Variants in LMF1 observed in about 807,000 individuals in gnomAD.
The protein encoded by LMF1 is lipase maturation factor 1.
In LMF1, 68 loss-of-function variants were observed where a neutral mutation model predicts 60.6. That is an observed-to-expected ratio of 1.12 (90% confidence interval 0.92 to 1.37). The LOEUF (loss-of-function observed/expected upper bound fraction) is 1.37. Among genes scored for constraint, LMF1 ranks in the 40% most tolerant of loss-of-function variants. The pLI, the probability that LMF1 is intolerant of heterozygous loss-of-function variation, is 0.00. For synonymous variants in LMF1, 418 were observed against 324.7 expected (o/e 1.29, Z -3.09); for missense variants, 948 against 767.2 (o/e 1.24, Z -2.78).
At chr16:855,184 CGAGGCTGT>C in intron 10 of LMF1, 1 of 242,824 alleles carries the variant, frequency 4.1e-6, no homozygotes, top group Non-Finnish European at 8.2e-6. Context: ...CGGGGCAGTC[CGAGGCTGT>C]GAGGGAGCCA....
At chr16:895,055 C>CG (rs1326732183) in intron 4 of LMF1, among the ~76,000 whole-genome samples, 1 of 152,144 alleles carries the variant, frequency 6.6e-6, no homozygotes, top group African/African-American at 2.4e-5. Flanking sequence ...GAGGAGGCCG[C>CG]GGGGGGAGGC....
rs1215486348 is a variant in LMF1, at chr16:897,712, G to T, written c.664-4640C>A. 6.6e-6 allele frequency among the ~76,000 whole-genome samples: 1 copy of T among 152,164 alleles called. No individual in the cohort carries two copies. Among genetic ancestry groups the T allele is most frequent in the African/African-American group, 2.4e-5 (1 of 41,426 alleles). The stretch of plus-strand genomic sequence containing the variant: ...CTCAGGGTGAAGGGACCGCTGGTGG[G>T]CTCCGTGGGCAGAGGCACTATGGGG... On this transcript the variant is annotated intron_variant, in intron 4 of 10. Coordinates refer to ENST00000262301, the MANE Select transcript of LMF1 (RefSeq NM_022773.4). This position sits in a 1 kb window ranked among gnomAD's most constrained non-coding sequence, Gnocchi z 4.3.
chr16:947,923 C>T (rs2072283653), intron 2 of LMF1, among the ~76,000 whole-genome samples: 1 of 112,964 alleles, frequency 8.9e-6, no homozygotes. Context: ...ACGACAGAGT[C>T]AGCCAACGAC....
intron 1 of LMF1, chr16:979,808 C>T (rs565416934): frequency 6.6e-6 from 3 of 452,642 alleles, no homozygotes; most frequent in Non-Finnish European, 1.3e-5. Context: ...TGGACCGGAC[C>T]CCCACCCTCA....
chr16:869,925 G>A lies in LMF1; in HGVS notation c.1374C>T (p.Tyr458=), dbSNP rs908611545. 2 of 1,613,264 alleles carry A rather than the reference G, an allele frequency of 1.2e-6. No homozygotes were observed. The highest frequency in any genetic ancestry group is 2.7e-5 in the African/African-American group (2 of 75,064). ...PSRRPCLISP[Y]HYRLDWLMWF... The stretch of plus-strand genomic sequence containing the variant: ...ACATCAGCCAGTCCAGGCGGTAGTG[G>A]TACGGGGAGATGAGGCAGGGCCGTC... Residue 458 remains tyrosine (Y), a synonymous_variant, in exon 9 of 11, where the codon TAC becomes TAT. Transcript: ENST00000262301.
intron 10 of LMF1, among the ~76,000 whole-genome samples, chr16:856,782 C>G (rs2069195515): frequency 6.6e-6 from 1 of 152,372 alleles, no homozygotes; most frequent in African/African-American, 2.4e-5. Flanking sequence ...GGCCATGGCA[C>G]CGCCCCGGAG....
At chr16:952,415 C>A (rs1682077097) in intron 2 of LMF1, among the ~76,000 whole-genome samples, 1 of 152,104 alleles carries the variant, frequency 6.6e-6, no homozygotes, top group South Asian at 2.1e-4. Context: ...AGCCTCCGAC[C>A]AGGGAACACC....
rs2070100905 is a variant in LMF1 at position 879,602 on chromosome 16, T to C, written c.865A>G (p.Ile289Val). ...FFLFLGRRAC[I>V]IHGVLQILFQ... is the part of the protein sequence containing the mutation. ...AGGATCTGCAGCACCCCGTGGATGA[T>C]GCACGCCCGCCGGCCGAGGAAGAGG... The change falls in exon 6 of 11, where the codon ATC (isoleucine) becomes GTC (valine). Residue 289 changes from isoleucine to valine, a missense_variant. Physicochemically the swap from Ile to Val is conservative, Grantham distance 29. Coordinates refer to ENST00000262301, the MANE Select transcript of LMF1 (RefSeq NM_022773.4). 1.2e-6 allele frequency: 2 copies of C among 1,613,114 alleles called. No individual in the cohort carries two copies. The highest frequency in any genetic ancestry group is 4.5e-5 in the East Asian group (2 of 44,852).
chr16:943,276 CA>C (rs1161423647), intron 2 of LMF1, among the ~76,000 whole-genome samples: 1 of 150,042 alleles, frequency 6.7e-6, no homozygotes, highest in Non-Finnish European at 1.5e-5. Context: ...GAGGCTGAGG[CA>C]GGAGAATGGA....
intron 10 of LMF1, chr16:855,496 G>A (rs1043089979): frequency 2.8e-6 from 1 of 357,810 alleles, no homozygotes; most frequent in South Asian, 2.1e-5. Context: ...TTTCTCCTGG[G>A]GGTGGGACGA....
At chr16:925,376 A>C (rs1439217652) in intron 3 of LMF1, among the ~76,000 whole-genome samples, 1 of 152,230 alleles carries the variant, frequency 6.6e-6, no homozygotes, top group Non-Finnish European at 1.5e-5. Flanking sequence ...TGATGGGAGA[A>C]ATTCAAAACC....
In LMF1 at chr16:853,897, C is replaced by T. The variant is rs982217932; in HGVS notation, c.*635G>A. 1 of 454,052 alleles carries T rather than the reference C, an allele frequency of 2.2e-6. No homozygotes were observed. Among genetic ancestry groups the T allele is most frequent in the Non-Finnish European group, 4.4e-6 (1 of 226,766 alleles). The allele number at this position is 454,052 out of a possible 1,614,324, so 28.1% of individuals were successfully genotyped here. ...CAGTCATGGGGGGATGAAACCGGGC[C>T]AAGAACACATGTGTGCACAGGCTGT... is the stretch of plus-strand genomic sequence containing the variant. On this transcript the variant is annotated 3_prime_UTR_variant, in exon 11 of 11. Transcript: ENST00000262301.
At chr16:912,414 G>C (rs1332312367) in intron 3 of LMF1, among the ~76,000 whole-genome samples, 1 of 152,152 alleles carries the variant, frequency 6.6e-6, no homozygotes, top group Non-Finnish European at 1.5e-5. Flanking sequence ...AGATACTACG[G>C]TAAAGTCAAA....
intron 1 of LMF1, among the ~76,000 whole-genome samples, chr16:978,486 C>G (rs1277263640): frequency 6.6e-6 from 1 of 152,182 alleles, no homozygotes; most frequent in Non-Finnish European, 1.5e-5. Flanking sequence ...AGAGCCTGTC[C>G]ACCCACATTC....
In LMF1 at chr16:853,673, G is replaced by A. The variant is rs1306416012; in HGVS notation, c.*859C>T. 2.2e-6 allele frequency: 1 copy of A among 453,924 alleles called. No individual in the cohort carries two copies. Among genetic ancestry groups the A allele is most frequent in the East Asian group, 7.0e-5 (1 of 14,388 alleles). The allele number at this position is 453,924 out of a possible 1,614,324, so 28.1% of individuals were successfully genotyped here. ...GGTAAGTGGTATAATAGGAATAGTA[G>A]AAGAATATGCCATAGCTATGGCTCA... On this transcript the variant is annotated 3_prime_UTR_variant, in exon 11 of 11. Coordinates refer to ENST00000262301, the MANE Select transcript of LMF1 (RefSeq NM_022773.4).
chr16:910,299 G>A (rs1419355997), intron 4 of LMF1, among the ~76,000 whole-genome samples: 1 of 152,184 alleles, frequency 6.6e-6, no homozygotes, highest in African/African-American at 2.4e-5. Context: ...CAGGAAGCAC[G>A]CACAGCCCGC....
At chr16:981,342 GAGAGAGTGT>G (rs2073365938), upstream of LMF1, 2 of 274,622 alleles carry the variant, frequency 7.3e-6, no homozygotes, top group Non-Finnish European at 1.4e-5. Flanking sequence ...GAGAGAGAGA[GAGAGAGTGT>G]GTGTGTGTGT....
chr16:884,102 A>G (rs2070241094), intron 5 of LMF1: 1 of 152,222 alleles, frequency 6.6e-6, no homozygotes, highest in African/African-American at 2.4e-5. Flanking sequence ...ACACTGTGAA[A>G]TGGCCTCTTT....
In LMF1 at chr16:879,700, T is replaced by C. The variant is rs1364874340; in HGVS notation, c.767A>G (p.His256Arg). 1 of 1,602,760 alleles carries C rather than the reference T, an allele frequency of 6.2e-7. No individual in the cohort carries two copies. The change falls in exon 6 of 11, where the codon CAC becomes CGC. Residue 256 changes from histidine (H) to arginine (R), a missense_variant. Transcript: ENST00000262301. The part of the protein sequence containing the change: ...PMPNPVAYYL[H>R]HSPWWFHRFE... Reference sequence around the variant, plus strand: ...GCGATGGAACCACCAGGGTGAGTGGTGCAGGTAGTACGCCACAGGATTGGG... The same window carrying C: ...GCGATGGAACCACCAGGGTGAGTGGCGCAGGTAGTACGCCACAGGATTGGG...
Sources: gnomAD v4.1 joint callset for allele counts (sites outside exome capture counted in the v4.1 genomes callset) on GRCh38, gnomAD v4.1.1 for gene constraint, Gnocchi (gnomAD v3.1) non-coding constraint, MANE v1.5 for transcripts, NCBI Gene and HGNC (gene_info 2026-07-23, HGNC 2026-07-21) for gene names.